GNAQ: variants seen among roughly 807,000 people sequenced by gnomAD.
GNAQ encodes guanine nucleotide-binding protein G(q) subunit alpha.
Under a neutral mutation model 43.9 loss-of-function variants are expected in GNAQ, and 8 were observed. That is an observed-to-expected ratio of 0.18 (90% CI 0.11 to 0.33). GNAQ has a LOEUF of 0.33. GNAQ is among the 10% of genes least tolerant of loss of function. The probability of loss-of-function intolerance (pLI) is 1.00; values close to 1 mark genes in which losing one functional copy is unlikely to be tolerated. For synonymous variants in GNAQ, 155 were observed against 170.7 expected (o/e 0.91, Z 0.71); for missense variants, 158 against 450.8 (o/e 0.35, Z 5.88).
chr9:77,836,231 C>CT (rs1343666248), intron 2 of GNAQ, among the ~76,000 whole-genome samples: 16 of 96,674 alleles, frequency 1.7e-4, no homozygotes, highest in South Asian at 3.6e-4. Flanking sequence ...TGATTAAAAG[C>CT]CCCCCCCGGA....
intron 1 of GNAQ, among the ~76,000 whole-genome samples, chr9:78,011,460 G>T (rs779802089): frequency 2.6e-5 from 4 of 152,110 alleles, no homozygotes; most frequent in Non-Finnish European, 5.9e-5. Context: ...GCTTTGAAAG[G>T]TTTACTCTAG....
rs551105473 is a variant in GNAQ at position 77,797,927 on chromosome 9, G to T, written c.477-279C>A. On this transcript the variant is annotated intron_variant, in intron 3 of 6. Transcript: ENST00000286548. ...CCAGAGGCAAGGGGTGGGAGAAAAA[G>T]AAATTCAAATTAGTTTCCTATTCTC... 2.4e-4 allele frequency among the ~76,000 whole-genome samples: 36 copies of T among 152,296 alleles called. 1 individual carries two copies. The highest frequency in any genetic ancestry group is 4.1e-4 in the Non-Finnish European group (28 of 68,018).
intron 1 of GNAQ, among the ~76,000 whole-genome samples, chr9:77,949,468 G>A (rs1254947300): frequency 2.0e-5 from 3 of 152,176 alleles, no homozygotes; most frequent in Non-Finnish European, 4.4e-5. Flanking sequence ...AGGGCTCCCA[G>A]CAAATATGAA....
At chr9:77,997,884 T>A (rs1346955405) in intron 1 of GNAQ, among the ~76,000 whole-genome samples, 1 of 152,092 alleles carries the variant, frequency 6.6e-6, no homozygotes, top group Non-Finnish European at 1.5e-5. Flanking sequence ...TACTAATAAA[T>A]ATGGTTAGTG....
At chr9:77,830,585 T>A (rs1056302650) in intron 2 of GNAQ, among the ~76,000 whole-genome samples, 1 of 152,194 alleles carries the variant, frequency 6.6e-6, no homozygotes, top group Non-Finnish European at 1.5e-5. Context: ...TTACAAAATG[T>A]TAGTCTTCCA....
At chr9:77,981,768 T>C (rs1192835650) in intron 1 of GNAQ, among the ~76,000 whole-genome samples, 4 of 152,188 alleles carry the variant, frequency 2.6e-5, no homozygotes, top group Non-Finnish European at 5.9e-5. Context: ...CCAGGTGTTC[T>C]TCGCAGCTCC....
At chr9:78,029,196 A>T (rs1824018218) in intron 1 of GNAQ, among the ~76,000 whole-genome samples, 1 of 152,084 alleles carries the variant, frequency 6.6e-6, no homozygotes, top group African/African-American at 2.4e-5. Context: ...GGAAACTCAG[A>T]GCTGTCACTT....
chr9:77,854,911 A>T (rs1827728110), intron 2 of GNAQ, among the ~76,000 whole-genome samples: 2 of 152,246 alleles, frequency 1.3e-5, no homozygotes, highest in Admixed American at 1.3e-4. Flanking sequence ...AATTGAAAAA[A>T]GCTTACATTT....
chr9:77,817,316 T>C (rs1404045565), intron 2 of GNAQ, among the ~76,000 whole-genome samples: 5 of 152,106 alleles, frequency 3.3e-5, no homozygotes, highest in African/African-American at 7.2e-5. Context: ...AGTTCCAAGA[T>C]AGGCTCAACA....
intron 2 of GNAQ, among the ~76,000 whole-genome samples, chr9:77,867,994 C>A (rs1827975475): frequency 6.6e-6 from 1 of 152,190 alleles, no homozygotes. Flanking sequence ...TATCAGCCCT[C>A]CCTGACCTCA....
At chr9:77,950,037 A>G (rs935703866) in intron 1 of GNAQ, among the ~76,000 whole-genome samples, 2 of 152,142 alleles carry the variant, frequency 1.3e-5, no homozygotes, top group South Asian at 4.1e-4. Flanking sequence ...TATTTCTCAC[A>G]GATGAACCTT....
At chr9:77,820,937 T>C (rs991366600) in intron 2 of GNAQ, among the ~76,000 whole-genome samples, 2 of 152,186 alleles carry the variant, frequency 1.3e-5, no homozygotes, top group Non-Finnish European at 2.9e-5. Flanking sequence ...ATAATTACTA[T>C]GAAATCTTGT....
rs183226127 is a variant in GNAQ, at chr9:77,964,480, C to T, written c.137-42135G>A. Reference sequence around the variant, plus strand: ...ACATAGGCTGCTTTCCCAACAACAACGAAAAACATTATTTTCAAGTGCACC... The same window carrying T: ...ACATAGGCTGCTTTCCCAACAACAATGAAAAACATTATTTTCAAGTGCACC... On this transcript the variant is annotated intron_variant, in intron 1 of 6. Transcript: ENST00000286548. 4.6e-5 allele frequency among the ~76,000 whole-genome samples: 7 copies of T among 152,160 alleles called. No individual in the cohort carries two copies. In the South Asian group the frequency reaches 1.0e-3, roughly 23 times the overall value.
At chr9:77,930,092 T>G (rs2118302608) in intron 1 of GNAQ, among the ~76,000 whole-genome samples, 1 of 152,326 alleles carries the variant, frequency 6.6e-6, no homozygotes, top group South Asian at 2.1e-4. Flanking sequence ...CTCCATTTCC[T>G]TAGGAGAGTA....
chr9:77,959,590 G>A (rs780334317), intron 1 of GNAQ, among the ~76,000 whole-genome samples: 6 of 152,178 alleles, frequency 3.9e-5, no homozygotes, highest in South Asian at 2.1e-4. Flanking sequence ...TAACAAGTCC[G>A]TTTTGAATAT....
At position 77,999,797 on chromosome 9, in the gene GNAQ, T is replaced by C. The variant is rs187811877; in HGVS notation, c.136+31303A>G. ...TAAAATCAAATTTCATATATTACCC[T>C]GCCAAAAATCACCAAATATGGAAAA... On this transcript the variant is annotated intron_variant, in intron 1 of 6. Coordinates refer to ENST00000286548, the MANE Select transcript of GNAQ (RefSeq NM_002072.5). Among the ~76,000 whole-genome samples the C allele has an allele frequency of 2.1e-4, 32 of 152,250 alleles. No individual in the cohort carries two copies. In the East Asian group the frequency reaches 5.8e-3, roughly 28 times the overall value.
chr9:77,861,546 G>A (rs1382054765), intron 2 of GNAQ, among the ~76,000 whole-genome samples: 1 of 152,158 alleles, frequency 6.6e-6, no homozygotes, highest in Non-Finnish European at 1.5e-5. Flanking sequence ...ATACAATGCG[G>A]GTACAGGCAT....
At chr9:77,918,300 G>A (rs562465505) in intron 2 of GNAQ, among the ~76,000 whole-genome samples, 2 of 152,326 alleles carry the variant, frequency 1.3e-5, no homozygotes, top group South Asian at 4.1e-4. Context: ...TGGCCAATGT[G>A]ATGGTGGGTG....
rs956176252 is a variant in GNAQ, at chr9:77,935,643, G to A, written c.137-13298C>T. Among the ~76,000 whole-genome samples, 8 of 152,254 alleles carry A rather than the reference G, an allele frequency of 5.3e-5. No homozygotes were observed. The South Asian group carries it at 8.3e-4, about 16-fold the overall frequency. ...CACATGTGCTGTCCAAAAGACAGGC[G>A]CAACATCTGGTACCACCAATTTTGA... On this transcript the variant is annotated intron_variant, in intron 1 of 6. Transcript: ENST00000286548.
Sources: gnomAD v4.1 joint callset for allele counts (sites outside exome capture counted in the v4.1 genomes callset) on GRCh38, gnomAD v4.1.1 for gene constraint, MANE v1.5 for transcripts, NCBI Gene and HGNC (gene_info 2026-07-23, HGNC 2026-07-21) for gene names.